CADM2: variants seen among roughly 807,000 people sequenced by gnomAD.
CADM2 encodes immunoglobulin superfamily member 4D.
CADM2 carries 12 observed loss-of-function variants against 49.8 expected under a neutral mutation model. The ratio of observed to expected loss-of-function variants is 0.24; its 90% CI spans 0.15 to 0.39. The LOEUF (loss-of-function observed/expected upper bound fraction) is 0.39, where lower values mean the gene tolerates loss of function less well. Among genes scored for constraint, CADM2 ranks in the 10% least tolerant of loss-of-function variants. The pLI is 1.00. For synonymous variants in CADM2, 214 were observed against 175.4 expected, an observed-to-expected ratio of 1.22 and a Z score of -1.74; for missense variants, 378 against 492.3, an observed-to-expected ratio of 0.77 and a Z score of 2.20.
At chr3:85,562,707 G>T (rs1407245139) in intron 1 of CADM2, among the ~76,000 whole-genome samples, 1 of 151,992 alleles carries the variant, frequency 6.6e-6, no homozygotes, top group Non-Finnish European at 1.5e-5. Context: ...GGGAGCTAAA[G>T]GGGAAAGCAA....
intron 1 of CADM2, among the ~76,000 whole-genome samples, chr3:85,699,060 A>G (rs1244219286): frequency 6.6e-6 from 1 of 152,222 alleles, no homozygotes; most frequent in African/African-American, 2.4e-5. Context: ...CAAAGGGGTT[A>G]CAGGCTCATG....
chr3:85,832,750 A>G (rs2074237627), intron 3 of CADM2, among the ~76,000 whole-genome samples: 1 of 151,900 alleles, frequency 6.6e-6, no homozygotes, highest in South Asian at 2.1e-4. Flanking sequence ...TCATCTGCAA[A>G]CAGAGATAAT....
intron 1 of CADM2, among the ~76,000 whole-genome samples, chr3:85,374,432 T>A (rs1341151703): frequency 6.6e-6 from 1 of 152,178 alleles, no homozygotes; most frequent in African/African-American, 2.4e-5. Context: ...GTCTGTAGGA[T>A]GCTCCAAACT....
At chr3:85,202,209 G>T (rs1239831813) in intron 1 of CADM2, among the ~76,000 whole-genome samples, 1 of 151,540 alleles carries the variant, frequency 6.6e-6, no homozygotes, top group Non-Finnish European at 1.5e-5. Flanking sequence ...CCAAATTCCT[G>T]TTGATCTTTT....
chr3:86,026,221 G>C (rs1733883970), intron 8 of CADM2, among the ~76,000 whole-genome samples: 1 of 152,058 alleles, frequency 6.6e-6, no homozygotes, highest in Admixed American at 6.6e-5. Context: ...CAGGTATTTT[G>C]TTACATTTAA....
At chr3:85,272,437 T>G (rs1437741320) in intron 1 of CADM2, among the ~76,000 whole-genome samples, 1 of 151,300 alleles carries the variant, frequency 6.6e-6, no homozygotes, top group African/African-American at 2.4e-5. Context: ...AAAGATAAAA[T>G]CAGGTTATTG....
intron 1 of CADM2, among the ~76,000 whole-genome samples, chr3:85,539,061 T>A (rs1475302090): frequency 6.6e-6 from 1 of 151,866 alleles, no homozygotes; most frequent in Non-Finnish European, 1.5e-5. Context: ...CATATCTCTA[T>A]GATGGATTCA....
At chr3:85,095,073 G>A (rs186603489) in intron 1 of CADM2, among the ~76,000 whole-genome samples, 1 of 152,126 alleles carries the variant, frequency 6.6e-6, no homozygotes, top group African/African-American at 2.4e-5. Flanking sequence ...TATAGAATAT[G>A]GAAACTCATA....
intron 2 of CADM2, among the ~76,000 whole-genome samples, chr3:85,762,692 T>G (rs1445314208): frequency 6.6e-6 from 1 of 151,610 alleles, no homozygotes. Context: ...GCATAAATAA[T>G]GTACTATATA....
intron 7 of CADM2, among the ~76,000 whole-genome samples, chr3:85,948,590 T>C (rs9309997): frequency 6.6e-6 from 1 of 151,062 alleles, no homozygotes; most frequent in Non-Finnish European, 1.5e-5. Context: ...AAAAAATACA[T>C]CCTAAAAGAA....
intron 1 of CADM2, among the ~76,000 whole-genome samples, chr3:85,036,179 T>C (rs904737401): frequency 2.0e-5 from 3 of 152,180 alleles, no homozygotes; most frequent in Non-Finnish European, 4.4e-5. Flanking sequence ...TCATTCTGTT[T>C]GATTCTGAGT....
chr3:85,336,567 T>C (rs974090172), intron 1 of CADM2, among the ~76,000 whole-genome samples: 4 of 151,226 alleles, frequency 2.6e-5, no homozygotes, highest in Non-Finnish European at 1.5e-5. Flanking sequence ...TTCTGTGAAA[T>C]GTAAGATTTA....
intron 1 of CADM2, among the ~76,000 whole-genome samples, chr3:84,969,375 T>C (rs780733622): frequency 1.3e-5 from 2 of 152,002 alleles, no homozygotes; most frequent in Non-Finnish European, 2.9e-5. Context: ...TGCCCTCTAT[T>C]GATTATTTTA....
chr3:85,966,329 A>G (rs922507014), intron 8 of CADM2, among the ~76,000 whole-genome samples: 2 of 151,732 alleles, frequency 1.3e-5, no homozygotes, highest in Admixed American at 1.3e-4. Flanking sequence ...GTTGAGATGC[A>G]CTATTCCATA....
chr3:85,509,770 C>CA (rs1491298431), intron 1 of CADM2, among the ~76,000 whole-genome samples: 2 of 151,976 alleles, frequency 1.3e-5, no homozygotes, highest in African/African-American at 4.8e-5. Context: ...AACAGCCTGG[C>CA]ACAGTTAAAA....
At chr3:85,805,764 A>T (rs73845675) in intron 3 of CADM2, among the ~76,000 whole-genome samples, 8,268 of 152,278 alleles carry the variant, frequency 0.054, 642 homozygotes, top group African/African-American at 0.17. Flanking sequence ...CATGAGTTAG[A>T]CTAGAGTAAC....
intron 1 of CADM2, among the ~76,000 whole-genome samples, chr3:84,963,016 C>T (rs999297237): frequency 1.1e-4 from 17 of 152,032 alleles, no homozygotes; most frequent in Admixed American, 7.2e-4. Flanking sequence ...ATAACATCTG[C>T]CAGTTTGTCC....
chr3:85,035,874 T>C (rs934993380), intron 1 of CADM2, among the ~76,000 whole-genome samples: 3 of 152,318 alleles, frequency 2.0e-5, no homozygotes, highest in East Asian at 1.9e-4. Context: ...CCTCTAAAAA[T>C]GTTTTTCAGG....
chr3:85,837,124 T>C (rs1022798184), intron 3 of CADM2, among the ~76,000 whole-genome samples: 9 of 151,650 alleles, frequency 5.9e-5, no homozygotes, highest in Non-Finnish European at 4.4e-5. Flanking sequence ...ACAAGTCATG[T>C]TCATTTTAGA....
Sources: gnomAD v4.1 joint callset for allele counts (sites outside exome capture counted in the v4.1 genomes callset) on GRCh38, gnomAD v4.1.1 for gene constraint, MANE v1.5 for transcripts, NCBI Gene and HGNC (gene_info 2026-07-23, HGNC 2026-07-21) for gene names.